NIBAN1: variants seen among roughly 807,000 people sequenced by gnomAD.
NIBAN1 encodes the protein niban apoptosis regulator 1, also known as protein Niban 1.
NIBAN1 carries 81 observed loss-of-function variants against 75.1 expected under a neutral mutation model. The ratio of observed to expected loss-of-function variants is 1.08; its 90% CI spans 0.90 to 1.30. The LOEUF is 1.30. NIBAN1 is among the 50% of genes most tolerant of loss of function. The pLI, the probability that NIBAN1 is intolerant of heterozygous loss-of-function variation, is 0.00. For missense variants in NIBAN1, 1,133 were observed against 1,128.1 expected, an observed-to-expected ratio of 1.00 and a Z score of -0.06; for synonymous variants, 436 against 424.8, an observed-to-expected ratio of 1.03 and a Z score of -0.32.
chr1:184,827,560 G>GTTTTTTTTTTTTTTTTTTTTTTTTT (rs58483276), intron 6 of NIBAN1, among the ~76,000 whole-genome samples: 1 of 117,682 alleles, frequency 8.5e-6, no homozygotes, highest in African/African-American at 3.8e-5. Context: ...AAATACTTCA[G>GTTTTTTTTTTTTTTTTTTTTTTTTT]TTTTTTTTTT....
chr1:184,794,649 T>C lies in NIBAN1; in HGVS notation c.*328A>G. ...TTGCACAATTGAAAAGTGCAGAGTA[T>C]ACTCAAAACTGTCATCCTACTGTTT... On this transcript the variant is annotated 3_prime_UTR_variant, in exon 14 of 14. Transcript: ENST00000367511. The C allele has an allele frequency of 9.4e-6, 4 of 425,696 alleles. 1 individual carries two copies. The highest frequency in any genetic ancestry group is 8.7e-5 in the South Asian group (4 of 45,984). 26.4% of individuals were successfully genotyped at this position (425,696 alleles called of 1,614,324 possible). A position where few individuals can be genotyped will look rare whatever the true frequency, so the allele number is the denominator to read the frequency against.
intron 2 of NIBAN1, among the ~76,000 whole-genome samples, chr1:184,898,138 C>T (rs1656852860): frequency 6.6e-6 from 1 of 152,170 alleles, no homozygotes; most frequent in African/African-American, 2.4e-5. Flanking sequence ...TTCCTCCCTC[C>T]TCCCTTGCTC....
chr1:184,900,529 A>T (rs1656926180), intron 1 of NIBAN1, among the ~76,000 whole-genome samples: 1 of 152,240 alleles, frequency 6.6e-6, no homozygotes, highest in Admixed American at 6.5e-5. Context: ...CTCAGCACCG[A>T]AAGTAAATCA....
chr1:184,925,330 A>G (rs1054363091), intron 1 of NIBAN1, among the ~76,000 whole-genome samples: 2 of 152,014 alleles, frequency 1.3e-5, no homozygotes, highest in Non-Finnish European at 2.9e-5. Flanking sequence ...CCTATAGGCA[A>G]CCAATCATTG....
intron 1 of NIBAN1, among the ~76,000 whole-genome samples, chr1:184,909,269 G>T (rs1401197413): frequency 6.6e-6 from 1 of 152,128 alleles, no homozygotes; most frequent in African/African-American, 2.4e-5. Context: ...AGGTTCTATG[G>T]TGTCTCCTCT....
intron 1 of NIBAN1, among the ~76,000 whole-genome samples, chr1:184,948,306 G>T (rs1658279328): frequency 6.6e-6 from 1 of 152,036 alleles, no homozygotes; most frequent in African/African-American, 2.4e-5. Flanking sequence ...ATTCATTCAT[G>T]CCACAAGCAA....
At chr1:184,895,954 A>G (rs1161910999) in intron 2 of NIBAN1, among the ~76,000 whole-genome samples, 1 of 152,062 alleles carries the variant, frequency 6.6e-6, no homozygotes, top group Non-Finnish European at 1.5e-5. Flanking sequence ...TTTTTATCCA[A>G]TCAACCGCTG....
At chr1:184,943,707 AAAT>A (rs970819909) in intron 1 of NIBAN1, among the ~76,000 whole-genome samples, 8 of 152,052 alleles carry the variant, frequency 5.3e-5, no homozygotes, top group Admixed American at 1.3e-4. Context: ...AAAGAGAAGC[AAAT>A]AATAATAATA....
Position 184,899,271 on chromosome 1 carries a change from A to G in NIBAN1, c.94T>C (p.Tyr32His), listed in dbSNP as rs1656883905. The G allele has an allele frequency of 3.7e-6, 6 of 1,613,920 alleles. No homozygotes were observed. The highest frequency in any genetic ancestry group is 4.2e-6 in the Non-Finnish European group (5 of 1,179,838). ...AAAGCCACAGAGTACTGACGACTGT[A>G]GTAGGGACTGAAGTTTTTGATGGCA... is the stretch of plus-strand genomic sequence containing the variant. ...EAAIKNFSPY[Y>H]SRQYSVAFCN... Residue 32 changes from tyrosine to histidine, a missense_variant, in exon 2 of 14, where the codon TAC (tyrosine) becomes CAC (histidine). Tyr to His is a moderately conservative substitution (Grantham distance 83). Coordinates refer to ENST00000367511, the MANE Select transcript of NIBAN1 (RefSeq NM_052966.4).
intron 12 of NIBAN1, among the ~76,000 whole-genome samples, chr1:184,802,384 CTTTGTG>C (rs1654068610): frequency 6.7e-6 from 1 of 148,954 alleles, no homozygotes; most frequent in Non-Finnish European, 1.5e-5. Flanking sequence ...CCCAAACTGC[CTTTGTG>C]ATTGAAAAAA....
intron 1 of NIBAN1, among the ~76,000 whole-genome samples, chr1:184,933,784 A>G (rs995656942): frequency 3.9e-5 from 6 of 152,256 alleles, no homozygotes; most frequent in African/African-American, 1.4e-4. Context: ...AATCTTATAC[A>G]GTCTAACATA....
At chr1:184,934,994 G>A (rs1040797589) in intron 1 of NIBAN1, among the ~76,000 whole-genome samples, 8 of 152,122 alleles carry the variant, frequency 5.3e-5, no homozygotes, top group African/African-American at 1.7e-4. Context: ...CACTTAAGCC[G>A]GGGAGCTCAA....
rs1189986211 is a variant in NIBAN1, at chr1:184,900,809, A to T, written c.56-1500T>A. On this transcript the variant is annotated intron_variant, in intron 1 of 13. Coordinates refer to ENST00000367511, the MANE Select transcript of NIBAN1 (RefSeq NM_052966.4). ...GCTTCACTGATTGTGCTCGTAAGCG[A>T]TGAGTCCGCAGAACAGGGTACAGCT... Among the ~76,000 whole-genome samples, 2 of 152,238 alleles carry T rather than the reference A, an allele frequency of 1.3e-5. 1 individual carries two copies. The highest frequency in any genetic ancestry group is 2.9e-5 in the Non-Finnish European group (2 of 68,040).
chr1:184,884,871 C>T, intron 4 of NIBAN1, 71 bp from the exon 5 acceptor site: 10 of 1,539,242 alleles, frequency 6.5e-6, no homozygotes, highest in South Asian at 2.5e-5. Context: ...TGTTTCAGGT[C>T]GTGAGGGTGA....
At chr1:184,871,992 A>G (rs780038149) in intron 5 of NIBAN1, among the ~76,000 whole-genome samples, 2 of 152,112 alleles carry the variant, frequency 1.3e-5, no homozygotes, top group Non-Finnish European at 2.9e-5. Context: ...TCAGGAACTC[A>G]CCTTCAACTG....
At chr1:184,864,138 C>T (rs1302760211) in intron 5 of NIBAN1, among the ~76,000 whole-genome samples, 1 of 152,176 alleles carries the variant, frequency 6.6e-6, no homozygotes, top group African/African-American at 2.4e-5. Context: ...GAGTCCACCA[C>T]TTGATAACTG....
Position 184,803,632 on chromosome 1 carries a change from T to C in NIBAN1, c.1507A>G (p.Ile503Val), listed in dbSNP as rs1654107903. The change falls in exon 12 of 14, where the codon ATC (isoleucine) becomes GTC (valine). Residue 503 changes from isoleucine to valine, a missense_variant. Transcript: ENST00000367511. ...GCCTTCTGCACAGTGGGAAGTGTGA[T>C]TTGAACTAGTGCCTCTTGAAATATC... is the stretch of plus-strand genomic sequence containing the variant. ...KKIFQEALVQITLPTVQKALA... is the reference protein window; with the variant it reads ...KKIFQEALVQVTLPTVQKALA... The C allele has an allele frequency of 6.2e-7, 1 of 1,614,098 alleles. No homozygotes were observed. The highest frequency in any genetic ancestry group is 8.5e-7 in the Non-Finnish European group (1 of 1,180,032).
At chr1:184,949,535 G>T (rs1278489266) in intron 1 of NIBAN1, among the ~76,000 whole-genome samples, 1 of 152,138 alleles carries the variant, frequency 6.6e-6, no homozygotes, top group Non-Finnish European at 1.5e-5. Context: ...AGGAACTGAG[G>T]CTCAGTTATA....
intron 5 of NIBAN1, among the ~76,000 whole-genome samples, chr1:184,865,411 T>A (rs1655928564): frequency 6.6e-6 from 1 of 151,904 alleles, no homozygotes; most frequent in Admixed American, 6.6e-5. Flanking sequence ...ACACATTGAG[T>A]ACCAATGGAC....
Sources: gnomAD v4.1 joint callset for allele counts (sites outside exome capture counted in the v4.1 genomes callset) on GRCh38, gnomAD v4.1.1 for gene constraint, MANE v1.5 for transcripts, NCBI Gene and HGNC (gene_info 2026-07-23, HGNC 2026-07-21) for gene names.